Variants in PLXNA4 observed in about 807,000 individuals in gnomAD.
PLXNA4 encodes the protein plexin-A4.
PLXNA4 carries 44 observed loss-of-function variants against 191.8 expected under a neutral mutation model. The ratio of observed to expected loss-of-function variants is 0.23; its 90% CI spans 0.18 to 0.29. The LOEUF is 0.29. Among genes scored for constraint, PLXNA4 ranks in the 10% least tolerant of loss-of-function variants. The pLI, the probability that PLXNA4 is intolerant of heterozygous loss-of-function variation, is 1.00. For synonymous variants in PLXNA4, 1,082 were observed against 1,009.5 expected (o/e 1.07, Z -1.36); for missense variants, 1,800 against 2,488.8 (o/e 0.72, Z 5.89).
At chr7:132,487,588 C>A (rs1797611509) in intron 3 of PLXNA4, among the ~76,000 whole-genome samples, 1 of 152,174 alleles carries the variant, frequency 6.6e-6, no homozygotes, top group Non-Finnish European at 1.5e-5. Context: ...GTGTCAGACA[C>A]AATTTCAGAG....
At position 132,146,113 on chromosome 7, in the gene PLXNA4, T is replaced by C. The variant is rs1052242970; in HGVS notation, c.5055+397A>G. Among the ~76,000 whole-genome samples the C allele has an allele frequency of 4.2e-5, 6 of 142,808 alleles. No homozygotes were observed. In the South Asian group the frequency reaches 1.3e-3, roughly 32 times the overall value. The allele number at this position is 142,808 out of a possible 152,430, so 93.7% of individuals were successfully genotyped here. On this transcript the variant is annotated intron_variant, in intron 28 of 31. Coordinates refer to ENST00000321063, the MANE Select transcript of PLXNA4 (RefSeq NM_020911.2). ...AAAAAAAAAAAAAAAAGAAAAGATA[T>C]GGTGCCTGGGAAGTCGTGATGGAGC...
intron 3 of PLXNA4, among the ~76,000 whole-genome samples, chr7:132,363,514 C>T (rs150563174): frequency 2.0e-5 from 3 of 152,312 alleles, no homozygotes; most frequent in Non-Finnish European, 4.4e-5. Flanking sequence ...TAGCACGTAT[C>T]GGCATTTCCT....
At chr7:132,516,918 C>T (rs1023759865) in intron 1 of PLXNA4, among the ~76,000 whole-genome samples, 1 of 152,200 alleles carries the variant, frequency 6.6e-6, no homozygotes. Context: ...GATTGTGCCA[C>T]TGCACTCCAA....
intron 4 of PLXNA4, among the ~76,000 whole-genome samples, chr7:132,273,955 T>A (rs894203496): frequency 2.0e-5 from 3 of 151,596 alleles, no homozygotes; most frequent in Non-Finnish European, 2.9e-5. Flanking sequence ...ATTCAGTTGG[T>A]GAATGGGTAC....
intron 9 of PLXNA4, among the ~76,000 whole-genome samples, chr7:132,219,241 C>T (rs1029546892): frequency 6.6e-6 from 1 of 152,192 alleles, no homozygotes; most frequent in Non-Finnish European, 1.5e-5. Context: ...GCTGGACGTT[C>T]AGTGGAACTG....
At chr7:132,148,703 C>A (rs1424774132) in intron 25 of PLXNA4, 57 bp from the exon 26 acceptor site, 2 of 1,609,980 alleles carry the variant, frequency 1.2e-6, no homozygotes, top group Non-Finnish European at 1.7e-6. Context: ...TGTGGGGAAG[C>A]TGAGGACCCT....
At chr7:132,225,573 G>T (rs1798289314) in intron 8 of PLXNA4, among the ~76,000 whole-genome samples, 1 of 151,824 alleles carries the variant, frequency 6.6e-6, no homozygotes, top group African/African-American at 2.4e-5. Context: ...GTCAAACAAA[G>T]CTCGAGTTGG....
chr7:132,158,427 C>T (rs888098738), intron 25 of PLXNA4, among the ~76,000 whole-genome samples: 10 of 152,142 alleles, frequency 6.6e-5, no homozygotes, highest in Non-Finnish European at 1.2e-4. Context: ...TCTCCAGATA[C>T]GAGCACATAC....
intron 3 of PLXNA4, chr7:132,385,205 T>C: frequency 6.2e-7 from 1 of 1,614,058 alleles, no homozygotes; most frequent in Non-Finnish European, 8.5e-7. Context: ...GATGAACAGC[T>C]GGAGAACAGG....
At chr7:132,385,872 C>G (rs1805115266) in intron 3 of PLXNA4, among the ~76,000 whole-genome samples, 1 of 152,206 alleles carries the variant, frequency 6.6e-6, no homozygotes, top group Non-Finnish European at 1.5e-5. Flanking sequence ...AAGCACAAAT[C>G]AAAATCTATC....
chr7:132,147,867 C>G, intron 27 of PLXNA4, 33 bp downstream of exon 27: 2 of 1,613,324 alleles, frequency 1.2e-6, no homozygotes, highest in Middle Eastern at 1.7e-4. Context: ...TCAGGACACC[C>G]AGGCCTCCCT....
chr7:132,611,415 G>T (rs1267793175), intron 2 of PLXNA4, among the ~76,000 whole-genome samples: 3 of 152,094 alleles, frequency 2.0e-5, no homozygotes, highest in Non-Finnish European at 4.4e-5. Context: ...CCAAATCCAC[G>T]CTCCGACACA....
At chr7:132,296,279 A>G (rs545097031) in intron 4 of PLXNA4, among the ~76,000 whole-genome samples, 93 of 152,300 alleles carry the variant, frequency 6.1e-4, no homozygotes, top group African/African-American at 2.1e-3. Context: ...CAGTGACCAC[A>G]TTACCCATCC....
chr7:132,340,005 A>G (rs553638213), intron 3 of PLXNA4, among the ~76,000 whole-genome samples: 13 of 152,316 alleles, frequency 8.5e-5, no homozygotes, highest in African/African-American at 2.4e-4. Context: ...CTCACTCAGC[A>G]TCCCTGCCTA....
At chr7:132,288,426 A>C (rs1800762727) in intron 4 of PLXNA4, among the ~76,000 whole-genome samples, 1 of 152,210 alleles carries the variant, frequency 6.6e-6, no homozygotes, top group Admixed American at 6.5e-5. Context: ...ACATTCTGGA[A>C]CCTTCAGAAT....
Position 132,312,735 on chromosome 7 carries a change from C to T in PLXNA4, c.1372-14513G>A, listed in dbSNP as rs114802488. Among the ~76,000 whole-genome samples, 1,504 of 152,246 alleles carry T rather than the reference C, an allele frequency of 9.9e-3. 36 individuals are homozygous for T. Among genetic ancestry groups the T allele is most frequent in the African/African-American group, 0.035 (1,447 of 41,522 alleles). On this transcript the variant is annotated intron_variant, in intron 3 of 31. Transcript: ENST00000321063. ...GGGAAATGAGTCAATTTCTCTAACC[C>T]CTGGTTTCCTCATCTGGAAGATGCA...
At chr7:132,316,637 G>T (rs529742905) in intron 3 of PLXNA4, among the ~76,000 whole-genome samples, 4 of 152,258 alleles carry the variant, frequency 2.6e-5, no homozygotes, top group South Asian at 4.2e-4. Flanking sequence ...AGTGTCCTTA[G>T]GCCATAGCTC....
chr7:132,211,786 T>C (rs1797810459), intron 9 of PLXNA4, among the ~76,000 whole-genome samples: 1 of 152,136 alleles, frequency 6.6e-6, no homozygotes, highest in Non-Finnish European at 1.5e-5. Flanking sequence ...TCTGAGCTCT[T>C]TCTGGATGCT....
intron 3 of PLXNA4, among the ~76,000 whole-genome samples, chr7:132,308,329 T>C (rs993747713): frequency 2.6e-5 from 4 of 152,174 alleles, no homozygotes; most frequent in Admixed American, 2.6e-4. Context: ...CCACAACTTC[T>C]TTGGATAGCC....
Sources: gnomAD v4.1 joint callset for allele counts (sites outside exome capture counted in the v4.1 genomes callset) on GRCh38, gnomAD v4.1.1 for gene constraint, MANE v1.5 for transcripts, NCBI Gene and HGNC (gene_info 2026-07-23, HGNC 2026-07-21) for gene names.